Variants in ZNF726 observed in about 807,000 individuals in gnomAD.
The protein encoded by ZNF726 is zinc finger protein 92 pseudogene 3.
ZNF726 carries 15 observed loss-of-function variants against 11.6 expected under a neutral mutation model. The ratio of observed to expected loss-of-function variants is 1.29; its 90% CI spans 0.86 to 1.99. The LOEUF (loss-of-function observed/expected upper bound fraction) is 1.99, where lower values mean the gene tolerates loss of function less well. Among genes scored for constraint, ZNF726 ranks in the 30% most tolerant of loss-of-function variants. The pLI, the probability that ZNF726 is intolerant of heterozygous loss-of-function variation, is 0.00. For missense variants in ZNF726, 890 were observed against 725.6 expected (o/e 1.23, Z -2.60); for synonymous variants, 295 against 243.6 (o/e 1.21, Z -1.96).
chr19:23,930,852 ATAT>A (rs1968088635), intron 3 of ZNF726, among the ~76,000 whole-genome samples: 1 of 152,230 alleles, frequency 6.6e-6, no homozygotes, highest in African/African-American at 2.4e-5. Context: ...TTACCACAAA[ATAT>A]TTTTAAATAT....
rs139818283 is a variant in ZNF726, at chr19:23,925,608, C to G, written c.226+5526C>G. On this transcript the variant is annotated intron_variant, in intron 3 of 3. Coordinates refer to ENST00000594466, the MANE Select transcript of ZNF726 (RefSeq NM_001244038.2). ...TTTATTATGACTTTTATGCATTTCT[C>G]TACAAATTAGTTTTGAGTGTCCTTT... 8.2e-3 allele frequency among the ~76,000 whole-genome samples: 1,243 copies of G among 151,866 alleles called. 9 individuals carry two copies. The highest frequency in any genetic ancestry group is 0.013 in the Non-Finnish European group (855 of 67,974).
chr19:23,916,980 T>G (rs1244260008), intron 1 of ZNF726, among the ~76,000 whole-genome samples: 1 of 152,210 alleles, frequency 6.6e-6, no homozygotes, highest in Non-Finnish European at 1.5e-5. Flanking sequence ...AGACAGAGTT[T>G]CCCTCTGTCA....
At chr19:23,936,219 CAG>C (rs1229809325), downstream of ZNF726, 1 of 152,122 alleles carries the variant, frequency 6.6e-6, no homozygotes, top group Admixed American at 6.5e-5. Flanking sequence ...ATGTAAATAT[CAG>C]GGAATAATTC....
rs1185796711 is a variant in ZNF726, at chr19:23,933,421, A to G, written c.1305A>G (p.Ile435Met). Residue 435 changes from isoleucine to methionine, a missense_variant, in exon 4 of 4, where the codon ATA (isoleucine) becomes ATG (methionine). Physicochemically the swap from Ile to Met is conservative, Grantham distance 10 (BLOSUM62 1). Transcript: ENST00000594466. ...GTGAAGAATGCGGCAAAGCGTTTAT[A>G]TGGTCCTCAAACCTTACTGAACATA... ...YKCEECGKAF[I>M]WSSNLTEHKK... The G allele has an allele frequency of 1.9e-6, 3 of 1,611,984 alleles. No individual in the cohort carries two copies. Among genetic ancestry groups the G allele is most frequent in the South Asian group, 1.1e-5 (1 of 90,938 alleles).
chr19:23,918,512 T>C (rs1439131656), intron 1 of ZNF726, among the ~76,000 whole-genome samples: 1 of 152,212 alleles, frequency 6.6e-6, no homozygotes, highest in Non-Finnish European at 1.5e-5. Context: ...TAGGGCTAAA[T>C]TCAGACTGTA....
At position 23,933,182 on chromosome 19, in the gene ZNF726, C is replaced by G; in HGVS notation, c.1066C>G (p.Leu356Val). The change falls in exon 4 of 4, where the codon CTT becomes GTT. Residue 356 changes from leucine to valine, a missense_variant. Leu to Val is a conservative substitution (Grantham distance 32, BLOSUM62 1). Transcript: ENST00000594466. Reference protein sequence around the residue: ...CAKAFSQFGHLTTHRIIHTGE... With the variant: ...CAKAFSQFGHVTTHRIIHTGE... ...CAAAGCTTTTAGCCAATTCGGACAC[C>G]TTACTACACATAGGATAATTCATAC... 6.2e-7 allele frequency: 1 copy of G among 1,601,636 alleles called. No homozygotes were observed. The highest frequency in any genetic ancestry group is 8.5e-7 in the Non-Finnish European group (1 of 1,173,426).
At chr19:23,918,730 G>T (rs1347376340) in intron 1 of ZNF726, among the ~76,000 whole-genome samples, 1 of 147,606 alleles carries the variant, frequency 6.8e-6, no homozygotes, top group African/African-American at 2.5e-5. Flanking sequence ...GCAGCTGCCT[G>T]TTTTTTTTAG....
At position 23,934,103 on chromosome 19, in the gene ZNF726, C is replaced by T. The variant is rs778206479; in HGVS notation, c.*136C>T. The T allele has an allele frequency of 6.0e-6, 7 of 1,161,928 alleles. No homozygotes were observed. Among genetic ancestry groups the T allele is most frequent in the Admixed American group, 3.7e-5 (2 of 53,602 alleles). The allele number at this position is 1,161,928 out of a possible 1,614,324, so 72.0% of individuals were successfully genotyped here. A position where few individuals can be genotyped will look rare whatever the true frequency, so the allele number is the denominator to read the frequency against. On this transcript the variant is annotated 3_prime_UTR_variant, in exon 4 of 4. Coordinates refer to ENST00000594466, the MANE Select transcript of ZNF726 (RefSeq NM_001244038.2). ...AAAAGCTTTTAATCCTCAAATCTTA[C>T]TAAACATTAGATAATTCACACTGGA...
In ZNF726 at chr19:23,939,862, A is replaced by ATTTTTTTTTTTTTTTTTT. The variant is rs374902806; in HGVS notation, c.227-3629_227-3612dup. On this transcript the variant is annotated intron_variant, in intron 3 of 4. Transcript: ENST00000334589. ...TGTCTTTGGCCCACTTTTTGATGGG[A>ATTTTTTTTTTTTTTTTTT]TTTTTTTTTTTTTTTTTTTTCTGAC... is the stretch of plus-strand genomic sequence containing the variant. Among the ~76,000 whole-genome samples, 14 of 87,136 alleles carry ATTTTTTTTTTTTTTTTTT rather than the reference A, an allele frequency of 1.6e-4. 1 individual carries two copies. Among genetic ancestry groups the ATTTTTTTTTTTTTTTTTT allele is most frequent in the African/African-American group, 5.0e-4 (11 of 21,790 alleles). The allele number at this position is 87,136 out of a possible 152,430, so 57.2% of individuals were successfully genotyped here.
chr19:23,915,113 A>T (rs971313337), intron 1 of ZNF726, 116 bp downstream of exon 1: 64 of 1,509,462 alleles, frequency 4.2e-5, no homozygotes, highest in Non-Finnish European at 5.9e-5. Flanking sequence ...TCTGCGCCCG[A>T]GTTGTTGCCC....
chr19:23,920,095 G>T lies in ZNF726; in HGVS notation c.226+13G>T, dbSNP rs144958384. ...GATGAACCCCCAGGTAGGTGAGAGT[G>T]AATACAACAGATGACCTGGATGAGA... is the stretch of plus-strand genomic sequence containing the variant. On this transcript the variant is annotated intron_variant, in intron 3 of 3. Coordinates refer to ENST00000594466, the MANE Select transcript of ZNF726 (RefSeq NM_001244038.2). The T allele has an allele frequency of 3.0e-5, 47 of 1,544,296 alleles. No individual in the cohort carries two copies. The African/African-American group carries it at 5.6e-4, about 18-fold the overall frequency.
chr19:23,934,553 TAC>T (rs1328874319), downstream of ZNF726: 4 of 356,630 alleles, frequency 1.1e-5, no homozygotes, highest in Non-Finnish European at 2.2e-5. Context: ...AGAATTTTCA[TAC>T]AGTCTTTCTA....
chr19:23,926,064 A>T (rs193177639), intron 3 of ZNF726, among the ~76,000 whole-genome samples: 1 of 152,196 alleles, frequency 6.6e-6, no homozygotes, highest in East Asian at 1.9e-4. Context: ...CTCCCATCAC[A>T]TGTAATTTGT....
At chr19:23,943,901 C>T (rs918386710) in intron 4 of ZNF726, 15 of 191,076 alleles carry the variant, frequency 7.9e-5, no homozygotes, top group Non-Finnish European at 1.6e-4. Flanking sequence ...AAAAATATCT[C>T]GAGTATTTTT....
At chr19:23,938,769 G>A (rs894595923), downstream of ZNF726, among the ~76,000 whole-genome samples, 1 of 151,746 alleles carries the variant, frequency 6.6e-6, no homozygotes, top group African/African-American at 2.4e-5. Context: ...CACCAGCCCA[G>A]CTAATTTTTG....
At chr19:23,937,519 A>C (rs1330231015), downstream of ZNF726, among the ~76,000 whole-genome samples, 1 of 149,760 alleles carries the variant, frequency 6.7e-6, no homozygotes, top group Non-Finnish European at 1.5e-5. Context: ...GTGGCAGGGC[A>C]GAGGTGCTCC....
At chr19:23,919,691 G>T (rs1457562231) in intron 2 of ZNF726, 192 bp downstream of exon 2, 8 of 664,284 alleles carry the variant, frequency 1.2e-5, no homozygotes, top group Non-Finnish European at 1.8e-5. Context: ...GAGCTGATCT[G>T]TGTCTTTCGC....
downstream of ZNF726, among the ~76,000 whole-genome samples, chr19:23,938,485 G>C (rs1020294606): frequency 1.3e-5 from 2 of 151,904 alleles, no homozygotes; most frequent in Admixed American, 6.5e-5. Context: ...ATTTATTACT[G>C]TATAACCTTT....
At position 23,933,870 on chromosome 19, in the gene ZNF726, T is replaced by G. The variant is rs1285619225; in HGVS notation, c.1754T>G (p.Ile585Arg). Residue 585 changes from isoleucine to arginine, a missense_variant, in exon 4 of 4, where the codon ATA (isoleucine) becomes AGA (arginine). By Grantham distance (97) the Ile-to-Arg change is moderately conservative (BLOSUM62 -3). Coordinates refer to ENST00000594466, the MANE Select transcript of ZNF726 (RefSeq NM_001244038.2). Reference sequence around the variant, plus strand: ...TCCTCAAATCTTAGTACGCATAAGATAATTCATACTGGAGAGAAACCTTAC... The same window carrying G: ...TCCTCAAATCTTAGTACGCATAAGAGAATTCATACTGGAGAGAAACCTTAC... ...NRSSNLSTHK[I>R]IHTGEKPYKC... is the part of the protein sequence containing the mutation. 1 of 1,591,182 alleles carries G rather than the reference T, an allele frequency of 6.3e-7. No homozygotes were observed. The highest frequency in any genetic ancestry group is 1.8e-5 in the Admixed American group (1 of 56,188).
Sources: gnomAD v4.1 joint callset for allele counts (sites outside exome capture counted in the v4.1 genomes callset) on GRCh38, gnomAD v4.1.1 for gene constraint, MANE v1.5 for transcripts, NCBI Gene and HGNC (gene_info 2026-07-23, HGNC 2026-07-21) for gene names.